Variants in DLG1 observed in about 807,000 individuals in gnomAD.
DLG1 encodes the protein disks large homolog 1.
In DLG1, 42 loss-of-function variants were observed where a neutral mutation model predicts 123.4. The ratio of observed to expected loss-of-function variants is 0.34; its 90% CI spans 0.27 to 0.44. The LOEUF (loss-of-function observed/expected upper bound fraction) is 0.44. Among genes scored for constraint, DLG1 ranks in the 20% least tolerant of loss-of-function variants. The pLI is 1.00. For synonymous variants in DLG1, 317 were observed against 356.2 expected, an observed-to-expected ratio of 0.89 and a Z score of 1.24; for missense variants, 942 against 1,082.6, an observed-to-expected ratio of 0.87 and a Z score of 1.82.
intron 4 of DLG1, among the ~76,000 whole-genome samples, chr3:197,250,456 C>A (rs1385379152): frequency 6.6e-6 from 1 of 151,762 alleles, no homozygotes; most frequent in Non-Finnish European, 1.5e-5. Context: ...GTAATCCCAG[C>A]TACTCAGGAG....
chr3:197,277,485 C>A (rs1021491064), intron 4 of DLG1, among the ~76,000 whole-genome samples: 1 of 152,054 alleles, frequency 6.6e-6, no homozygotes, highest in Non-Finnish European at 1.5e-5. Flanking sequence ...GAACCACAGG[C>A]ACGCACCACC....
At chr3:197,282,988 ATAT>A in intron 3 of DLG1, 143 bp from the exon 4 acceptor site, 1 of 490,642 alleles carries the variant, frequency 2.0e-6, no homozygotes, top group Non-Finnish European at 3.6e-6. Flanking sequence ...TAAACAGTGA[ATAT>A]TATCTTATTT....
intron 2 of DLG1, 127 bp from the exon 3 acceptor site, chr3:197,296,604 A>G (rs966613469): frequency 1.3e-6 from 1 of 774,986 alleles, no homozygotes; most frequent in Non-Finnish European, 2.1e-6. Context: ...TGATGTCACT[A>G]TGTTCATGTA....
At chr3:197,297,096 T>C (rs1290573455) in intron 2 of DLG1, 90 bp downstream of exon 2, 1 of 1,431,832 alleles carries the variant, frequency 7.0e-7, no homozygotes, top group African/African-American at 1.4e-5. Flanking sequence ...CTCATCAAAG[T>C]TACACAAACG....
intron 5 of DLG1, among the ~76,000 whole-genome samples, chr3:197,176,010 C>A (rs1054453074): frequency 4.6e-5 from 7 of 151,950 alleles, no homozygotes; most frequent in Non-Finnish European, 1.0e-4. Context: ...TGTGAAACTT[C>A]TTTTTGCCTA....
intron 13 of DLG1, among the ~76,000 whole-genome samples, chr3:197,113,687 A>C (rs2149383480): frequency 6.7e-6 from 1 of 149,492 alleles, no homozygotes; most frequent in East Asian, 1.9e-4. Context: ...TTTTGAACCA[A>C]GCCGACAATT....
At position 197,085,724 on chromosome 3, in the gene DLG1, C is replaced by T; in HGVS notation, c.1694G>A (p.Ser565Asn). The T allele has an allele frequency of 6.2e-7, 1 of 1,613,700 alleles. No homozygotes were observed. The highest frequency in any genetic ancestry group is 8.5e-7 in the Non-Finnish European group (1 of 1,179,950). The change falls in exon 16 of 25, where the codon AGT becomes AAT. Residue 565 changes from serine to asparagine, a missense_variant. Physicochemically the swap from Ser to Asn is conservative, Grantham distance 46 (BLOSUM62 1). Coordinates refer to ENST00000667157, the MANE Select transcript of DLG1 (RefSeq NM_001366207.1). ...ALFDYDKTKD[S>N]GLPSQGLNFK... Reference sequence around the variant, plus strand: ...GTTCAGTCCCTGACTGGGAAGCCCACTGTCTTTAGTCTTGTCATAATCAAA... The same window carrying T: ...GTTCAGTCCCTGACTGGGAAGCCCATTGTCTTTAGTCTTGTCATAATCAAA...
chr3:197,205,032 C>A (rs996908511), intron 4 of DLG1, among the ~76,000 whole-genome samples: 1 of 152,090 alleles, frequency 6.6e-6, no homozygotes, highest in Non-Finnish European at 1.5e-5. Context: ...TTTCCACATA[C>A]CAAACCATCT....
At chr3:197,086,779 C>T (rs1189291818) in intron 15 of DLG1, among the ~76,000 whole-genome samples, 1 of 151,814 alleles carries the variant, frequency 6.6e-6, no homozygotes, top group Non-Finnish European at 1.5e-5. Context: ...AAGATGAGGG[C>T]ACAAATAAGC....
intron 4 of DLG1, among the ~76,000 whole-genome samples, chr3:197,243,733 T>C (rs758521968): frequency 4.6e-5 from 7 of 152,348 alleles, no homozygotes; most frequent in East Asian, 1.9e-4. Flanking sequence ...TTGTTGGTTA[T>C]AGTAGATATA....
At chr3:197,110,687 AATGTTAT>A (rs1769433295) in intron 13 of DLG1, among the ~76,000 whole-genome samples, 1 of 152,284 alleles carries the variant, frequency 6.6e-6, no homozygotes, top group Admixed American at 6.5e-5. Flanking sequence ...GACTTTTCTT[AATGTTAT>A]AAAGTCCGTA....
rs983825008 is a variant in DLG1 at position 197,282,298 on chromosome 3, T to C, written c.318+381A>G. Among the ~76,000 whole-genome samples the C allele has an allele frequency of 2.6e-5, 4 of 152,204 alleles. No homozygotes were observed. In the East Asian group the frequency reaches 7.7e-4, roughly 29 times the overall value. ...TTCCTTGAGGTAAATGGGTACAACT[T>C]AGCAGCCCAGACCACAAAACTATAT... On this transcript the variant is annotated intron_variant, in intron 4 of 24. Transcript: ENST00000667157.
intron 18 of DLG1, among the ~76,000 whole-genome samples, chr3:197,072,821 C>T (rs1744892261): frequency 6.6e-6 from 1 of 152,100 alleles, no homozygotes; most frequent in Non-Finnish European, 1.5e-5. Context: ...GCCTCCCTCC[C>T]GAGTAGCTTG....
chr3:197,123,946 T>C (rs1406743915), intron 11 of DLG1, among the ~76,000 whole-genome samples: 1 of 152,232 alleles, frequency 6.6e-6, no homozygotes, highest in African/African-American at 2.4e-5. Context: ...GAATATATGT[T>C]TTAATTCAAT....
chr3:197,270,958 T>G (rs1238023905), intron 4 of DLG1, among the ~76,000 whole-genome samples: 1 of 152,166 alleles, frequency 6.6e-6, no homozygotes. Flanking sequence ...TGTGATAGTC[T>G]ATAAAACAAC....
intron 22 of DLG1, 106 bp from the exon 23 acceptor site, chr3:197,060,104 AT>A (rs2148823716): frequency 2.9e-6 from 2 of 684,122 alleles, no homozygotes; most frequent in East Asian, 5.7e-5. Context: ...ATCTGTTTCG[AT>A]CCTTGTTCAC....
At chr3:197,170,627 C>T (rs1054016606) in intron 5 of DLG1, among the ~76,000 whole-genome samples, 1 of 152,080 alleles carries the variant, frequency 6.6e-6, no homozygotes, top group Non-Finnish European at 1.5e-5. Flanking sequence ...CTTATAGACG[C>T]CGGATATTAG....
At chr3:197,285,093 A>C (rs338180) in intron 3 of DLG1, among the ~76,000 whole-genome samples, 42,064 of 151,390 alleles carry the variant, frequency 0.28, 6,213 homozygotes, top group Middle Eastern at 0.38. Flanking sequence ...TCAAATATAT[A>C]ATTTTCTTTT....
intron 1 of DLG1, chr3:197,297,558 G>T (rs1035439145): frequency 1.9e-6 from 2 of 1,071,496 alleles, no homozygotes; most frequent in African/African-American, 3.4e-5. Context: ...TACTGGGTAC[G>T]GGCGGGTGAA....
Sources: allele counts gnomAD v4.1 joint callset (sites outside exome capture counted in the v4.1 genomes callset), GRCh38; gene constraint gnomAD v4.1.1; transcripts MANE v1.5; gene names NCBI Gene and HGNC (gene_info 2026-07-23, HGNC 2026-07-21).